The following RANBP2 variants were observed in gnomAD, a reference collection of about 807,000 sequenced individuals.
The protein encoded by RANBP2 is RAN binding protein 2.
In RANBP2, 57 loss-of-function variants were observed where a neutral mutation model predicts 303.6. That is an observed-to-expected ratio of 0.19 (90% CI 0.15 to 0.23). The LOEUF (loss-of-function observed/expected upper bound fraction) is 0.23. RANBP2 is among the 10% of genes least tolerant of loss of function. RANBP2 has a pLI of 1.00. For synonymous variants in RANBP2, 1,167 were observed against 1,301.5 expected (o/e 0.90, Z 2.23); for missense variants, 3,138 against 3,780.8 (o/e 0.83, Z 4.46).
At chr2:109,433,941 C>T in the RANBP2 span, among the ~76,000 whole-genome samples, 1 of 152,228 alleles carries the variant, frequency 6.6e-6, no homozygotes, top group Non-Finnish European at 1.5e-5. Context: ...GTGAGCTGCC[C>T]ACAGCCTCCT....
the RANBP2 span, among the ~76,000 whole-genome samples, chr2:109,541,094 G>A: frequency 6.6e-6 from 1 of 152,098 alleles, no homozygotes. Flanking sequence ...TTTAAAACCA[G>A]TTTTCCTATT....
the RANBP2 span, among the ~76,000 whole-genome samples, chr2:109,292,628 A>G: frequency 3.9e-5 from 6 of 151,984 alleles, no homozygotes; most frequent in Admixed American, 1.3e-4. Context: ...CCTCTTGCCA[A>G]TTTTCTATCT....
chr2:108,923,590 T>C, the RANBP2 span: 1 of 733,036 alleles, frequency 1.4e-6, no homozygotes, highest in Non-Finnish European at 2.5e-6. Flanking sequence ...CTCAGTCACC[T>C]GCTCTGTCCA....
At chr2:109,195,108 A>G in the RANBP2 span, among the ~76,000 whole-genome samples, 2 of 152,226 alleles carry the variant, frequency 1.3e-5, no homozygotes, top group Non-Finnish European at 2.9e-5. Flanking sequence ...TTTTACACCT[A>G]TATTTGTAGC....
the RANBP2 span, among the ~76,000 whole-genome samples, chr2:109,514,558 G>A: frequency 6.6e-6 from 1 of 152,176 alleles, no homozygotes; most frequent in Non-Finnish European, 1.5e-5. Context: ...GGGAAGCCCT[G>A]GTGTGGGACC....
At chr2:109,531,861 GA>G in the RANBP2 span, among the ~76,000 whole-genome samples, 1 of 152,228 alleles carries the variant, frequency 6.6e-6, no homozygotes, top group Admixed American at 6.5e-5. Context: ...CAAGGGGAGG[GA>G]TTAATGCCCC....
the RANBP2 span, among the ~76,000 whole-genome samples, chr2:109,510,131 G>C: frequency 1.3e-5 from 2 of 152,190 alleles, no homozygotes; most frequent in African/African-American, 4.8e-5. Flanking sequence ...ACCCCAACCC[G>C]AGGCTGGGGA....
At chr2:108,887,507 A>G in the RANBP2 span, among the ~76,000 whole-genome samples, 2 of 152,190 alleles carry the variant, frequency 1.3e-5, no homozygotes, top group Admixed American at 1.3e-4. Context: ...ATCCATGAGC[A>G]TGGGACCTTT....
the RANBP2 span, among the ~76,000 whole-genome samples, chr2:109,633,526 A>T: frequency 6.6e-6 from 1 of 152,150 alleles, no homozygotes; most frequent in African/African-American, 2.4e-5. Flanking sequence ...AGCAGCTACC[A>T]CCCTCAAGCC....
At chr2:109,429,804 T>C in the RANBP2 span, among the ~76,000 whole-genome samples, 1 of 152,186 alleles carries the variant, frequency 6.6e-6, no homozygotes, top group African/African-American at 2.4e-5. Flanking sequence ...GGAAGCACGT[T>C]GCACAGGGCC....
the RANBP2 span, among the ~76,000 whole-genome samples, chr2:108,808,579 A>G: frequency 6.6e-6 from 1 of 152,144 alleles, no homozygotes; most frequent in South Asian, 2.1e-4. Flanking sequence ...ATACCTGATC[A>G]TGGTTTCGAT....
At chr2:109,155,734 CA>C in the RANBP2 span, among the ~76,000 whole-genome samples, 1 of 152,150 alleles carries the variant, frequency 6.6e-6, no homozygotes, top group African/African-American at 2.4e-5. Context: ...TACTTGAGAA[CA>C]AAAAGGGAGT....
the RANBP2 span, among the ~76,000 whole-genome samples, chr2:109,348,181 G>A: frequency 6.6e-6 from 1 of 152,200 alleles, no homozygotes; most frequent in South Asian, 2.1e-4. Flanking sequence ...CACAGCTCCA[G>A]CCCAGAGCTA....
chr2:109,523,715 C>T, the RANBP2 span, among the ~76,000 whole-genome samples: 24 of 152,166 alleles, frequency 1.6e-4, no homozygotes, highest in Admixed American at 3.3e-4. Flanking sequence ...CACCCCCAGC[C>T]CCAGCTCACC....
the RANBP2 span, among the ~76,000 whole-genome samples, chr2:109,529,060 C>T: frequency 5.9e-5 from 9 of 152,176 alleles, no homozygotes; most frequent in South Asian, 2.1e-4. Context: ...TCACAGCAGC[C>T]GCAGGAAACA....
At chr2:109,362,412 T>C in the RANBP2 span, among the ~76,000 whole-genome samples, 1 of 152,234 alleles carries the variant, frequency 6.6e-6, no homozygotes, top group Non-Finnish European at 1.5e-5. Context: ...TTAATGCTAT[T>C]GTGGCCTGAG....
chr2:109,406,422 C>G, the RANBP2 span, among the ~76,000 whole-genome samples: 2 of 152,104 alleles, frequency 1.3e-5, no homozygotes, highest in African/African-American at 4.8e-5. Flanking sequence ...CTGAGAGCAG[C>G]TATATCACGT....
At chr2:109,289,047 A>G in the RANBP2 span, among the ~76,000 whole-genome samples, 16 of 152,312 alleles carry the variant, frequency 1.1e-4, no homozygotes, top group East Asian at 5.8e-4. Flanking sequence ...TCGTTTGTCA[A>G]CTGTTCCTGG....
the RANBP2 span, among the ~76,000 whole-genome samples, chr2:109,163,093 C>G: frequency 6.6e-6 from 1 of 152,190 alleles, no homozygotes; most frequent in Non-Finnish European, 1.5e-5. Flanking sequence ...AATAATAGAG[C>G]CTTGTTGACC....
Sources: gnomAD v4.1 joint callset for allele counts (sites outside exome capture counted in the v4.1 genomes callset) on GRCh38, gnomAD v4.1.1 for gene constraint, MANE v1.5 for transcripts, NCBI Gene and HGNC (gene_info 2026-07-23, HGNC 2026-07-21) for gene names.